The following EPHA6 variants were observed in gnomAD, a reference collection of about 807,000 sequenced individuals.
EPHA6 encodes the protein ephrin type-A receptor 6.
Under a neutral mutation model 112.0 loss-of-function variants are expected in EPHA6, and 50 were observed. That is an observed-to-expected ratio of 0.45 (90% CI 0.36 to 0.56). The LOEUF (loss-of-function observed/expected upper bound fraction) is 0.56, where lower values mean the gene tolerates loss of function less well. EPHA6 is among the 20% of genes least tolerant of loss of function. The probability of loss-of-function intolerance (pLI) is 0.00; values close to 1 mark genes in which losing one functional copy is unlikely to be tolerated. For synonymous variants in EPHA6, 529 were observed against 490.7 expected, an observed-to-expected ratio of 1.08 and a Z score of -1.03; for missense variants, 1,280 against 1,417.4, an observed-to-expected ratio of 0.90 and a Z score of 1.56.
intron 3 of EPHA6, among the ~76,000 whole-genome samples, chr3:97,184,909 C>T (rs2077083741): frequency 6.6e-6 from 1 of 152,092 alleles, no homozygotes; most frequent in Non-Finnish European, 1.5e-5. Flanking sequence ...GAAATAATGC[C>T]ACATATCTAC....
chr3:97,107,581 C>G (rs949077206), intron 3 of EPHA6, among the ~76,000 whole-genome samples: 5 of 151,758 alleles, frequency 3.3e-5, no homozygotes, highest in African/African-American at 1.2e-4. Flanking sequence ...TAACTTCTAA[C>G]TAAGTTATTT....
intron 14 of EPHA6, among the ~76,000 whole-genome samples, chr3:97,684,956 T>C (rs1024639940): frequency 6.6e-6 from 1 of 152,206 alleles, no homozygotes; most frequent in Admixed American, 6.5e-5. Flanking sequence ...TTAACGGGTA[T>C]TGCACGAAAC....
chr3:97,573,138 T>C (rs182865874), intron 11 of EPHA6, among the ~76,000 whole-genome samples: 132 of 152,342 alleles, frequency 8.7e-4, no homozygotes, highest in Non-Finnish European at 1.7e-3. Context: ...TTGCAGCTTT[T>C]TGGTAACAAC....
intron 6 of EPHA6, among the ~76,000 whole-genome samples, chr3:97,424,619 C>A (rs973031271): frequency 2.6e-5 from 4 of 151,910 alleles, no homozygotes; most frequent in African/African-American, 9.7e-5. Context: ...GCCTGGCCAA[C>A]ATAGTGAAAC....
intron 3 of EPHA6, among the ~76,000 whole-genome samples, chr3:97,219,097 C>T (rs970858176): frequency 2.6e-5 from 4 of 152,122 alleles, no homozygotes; most frequent in Non-Finnish European, 4.4e-5. Flanking sequence ...CAGATCTACC[C>T]CTGTGGCTTT....
At chr3:97,307,511 A>C (rs574652421) in intron 5 of EPHA6, among the ~76,000 whole-genome samples, 1 of 151,676 alleles carries the variant, frequency 6.6e-6, no homozygotes, top group Admixed American at 6.6e-5. Flanking sequence ...ATTTACCTGT[A>C]CTTAGCTGTC....
chr3:96,944,112 A>G (rs896972158), intron 2 of EPHA6, among the ~76,000 whole-genome samples: 6 of 152,176 alleles, frequency 3.9e-5, no homozygotes, highest in Non-Finnish European at 7.3e-5. Flanking sequence ...AAAGAATGGT[A>G]TGTACTCACC....
chr3:96,871,993 C>G (rs767612641), intron 2 of EPHA6, among the ~76,000 whole-genome samples: 24 of 151,994 alleles, frequency 1.6e-4, no homozygotes, highest in Non-Finnish European at 3.2e-4. Flanking sequence ...GAAAGCATTT[C>G]CCTAGAAAAG....
intron 2 of EPHA6, among the ~76,000 whole-genome samples, chr3:96,902,790 T>C (rs2107577489): frequency 6.6e-6 from 1 of 152,302 alleles, no homozygotes; most frequent in East Asian, 1.9e-4. Context: ...TGACAAGATC[T>C]ACTGGAGATC....
chr3:97,653,391 G>T (rs767153457), intron 14 of EPHA6, among the ~76,000 whole-genome samples: 5 of 151,906 alleles, frequency 3.3e-5, no homozygotes, highest in Non-Finnish European at 7.4e-5. Context: ...TGGCCAACAG[G>T]TATATGAAAA....
intron 2 of EPHA6, among the ~76,000 whole-genome samples, chr3:96,879,563 T>C (rs537285314): frequency 5.9e-5 from 9 of 152,168 alleles, no homozygotes; most frequent in Non-Finnish European, 2.9e-5. Context: ...GTTACAATAA[T>C]ATTGCATATT....
At chr3:97,378,504 G>A (rs1171427582) in intron 5 of EPHA6, among the ~76,000 whole-genome samples, 1 of 152,126 alleles carries the variant, frequency 6.6e-6, no homozygotes, top group African/African-American at 2.4e-5. Context: ...CAGAATGGTA[G>A]ATCCACCTAC....
intron 3 of EPHA6, among the ~76,000 whole-genome samples, chr3:97,006,527 A>ATTT (rs60999000): frequency 7.1e-6 from 1 of 141,374 alleles, no homozygotes; most frequent in Non-Finnish European, 1.6e-5. Context: ...CTAGCAGTCT[A>ATTT]TTTTTTTTTT....
At chr3:97,223,751 CAAG>C (rs2078271471) in intron 3 of EPHA6, among the ~76,000 whole-genome samples, 1 of 152,140 alleles carries the variant, frequency 6.6e-6, no homozygotes, top group Admixed American at 6.5e-5. Context: ...GGAGAAGGTG[CAAG>C]AAGGGAGTAT....
chr3:97,328,661 C>T (rs769064219), intron 5 of EPHA6, among the ~76,000 whole-genome samples: 3 of 151,862 alleles, frequency 2.0e-5, no homozygotes, highest in Non-Finnish European at 2.9e-5. Flanking sequence ...TCTTTTCATC[C>T]TTACTATATG....
chr3:97,043,759 A>G (rs978665860), intron 3 of EPHA6, among the ~76,000 whole-genome samples: 4 of 152,180 alleles, frequency 2.6e-5, no homozygotes, highest in African/African-American at 7.2e-5. Flanking sequence ...TTTAAGATCT[A>G]TAGAGATGTT....
intron 3 of EPHA6, among the ~76,000 whole-genome samples, chr3:97,066,037 G>T (rs1429773630): frequency 6.6e-6 from 1 of 152,000 alleles, no homozygotes; most frequent in African/African-American, 2.4e-5. Context: ...CTTCATGTCA[G>T]TGATTTTAGA....
At chr3:97,555,757 C>T (rs2093098452) in intron 11 of EPHA6, among the ~76,000 whole-genome samples, 2 of 152,172 alleles carry the variant, frequency 1.3e-5, no homozygotes, top group South Asian at 2.1e-4. Context: ...ATCCTTCACC[C>T]ACTTTTTGAT....
At chr3:96,850,200 A>G (rs1407913471) in intron 1 of EPHA6, among the ~76,000 whole-genome samples, 2 of 152,090 alleles carry the variant, frequency 1.3e-5, no homozygotes, top group Non-Finnish European at 2.9e-5. Flanking sequence ...AGGGGACATT[A>G]AGGGGATGAA....
Sources: allele counts gnomAD v4.1 joint callset (sites outside exome capture counted in the v4.1 genomes callset), GRCh38; gene constraint gnomAD v4.1.1; transcripts MANE v1.5; gene names NCBI Gene and HGNC (gene_info 2026-07-23, HGNC 2026-07-21).